TTC17: variants seen among roughly 807,000 people sequenced by gnomAD.
The protein encoded by TTC17 is tetratricopeptide repeat domain 17.
In TTC17, 58 loss-of-function variants were observed where a neutral mutation model predicts 143.8. The observed-to-expected ratio is 0.40, with a 90% CI of 0.33 to 0.50. The LOEUF (loss-of-function observed/expected upper bound fraction) is 0.50. TTC17 is among the 20% of genes least tolerant of loss of function. The pLI is 0.49. For synonymous variants in TTC17, 501 were observed against 497.8 expected (o/e 1.01, Z -0.09); for missense variants, 1,273 against 1,392.5 (o/e 0.91, Z 1.37).
intron 10 of TTC17, among the ~76,000 whole-genome samples, chr11:43,403,774 C>T (rs1857981731): frequency 6.6e-6 from 1 of 152,184 alleles, no homozygotes; most frequent in Non-Finnish European, 1.5e-5. Context: ...CCATTTTTCT[C>T]ATACTCCAAT....
At chr11:43,363,299 T>C (rs1259646714) in intron 1 of TTC17, among the ~76,000 whole-genome samples, 1 of 152,222 alleles carries the variant, frequency 6.6e-6, no homozygotes, top group Non-Finnish European at 1.5e-5. Flanking sequence ...CAGTGTCTGG[T>C]AATTTACTTG....
At chr11:43,491,975 T>G (rs763310718) in intron 22 of TTC17, 45 bp from the exon 23 acceptor site, 14 of 1,606,294 alleles carry the variant, frequency 8.7e-6, no homozygotes, top group Non-Finnish European at 1.2e-5. Flanking sequence ...GAATGAAAGC[T>G]CAAAACCCAA....
intron 1 of TTC17, among the ~76,000 whole-genome samples, chr11:43,362,438 A>G (rs1262221531): frequency 6.6e-6 from 1 of 152,144 alleles, no homozygotes; most frequent in African/African-American, 2.4e-5. Flanking sequence ...TACATACCGC[A>G]GACTTGTCAA....
chr11:43,478,024 C>T (rs1274100588), intron 21 of TTC17, among the ~76,000 whole-genome samples: 2 of 152,000 alleles, frequency 1.3e-5, no homozygotes, highest in African/African-American at 2.4e-5. Flanking sequence ...GTAGTTTTGT[C>T]CCACTCTTCC....
intron 15 of TTC17, among the ~76,000 whole-genome samples, chr11:43,410,966 T>C (rs1001153396): frequency 1.8e-4 from 28 of 152,130 alleles, no homozygotes; most frequent in Admixed American, 3.9e-4. Context: ...CCATAATTAT[T>C]TTTGTCTGGA....
At chr11:43,486,647 T>C (rs1316328539) in intron 21 of TTC17, among the ~76,000 whole-genome samples, 1 of 152,208 alleles carries the variant, frequency 6.6e-6, no homozygotes, top group African/African-American at 2.4e-5. Flanking sequence ...AGTTCCATTT[T>C]TCAGTAAGGT....
intron 16 of TTC17, among the ~76,000 whole-genome samples, chr11:43,417,652 A>G (rs1946807660): frequency 1.3e-5 from 2 of 152,166 alleles, no homozygotes; most frequent in Admixed American, 1.3e-4. Flanking sequence ...CCTGGCCAAC[A>G]TGGTGAAACC....
chr11:43,404,224 T>G, intron 11 of TTC17, 80 bp downstream of exon 11: 1 of 1,374,864 alleles, frequency 7.3e-7, no homozygotes, highest in Non-Finnish European at 9.9e-7. Context: ...CCTCACTGAT[T>G]AATATGGCCT....
chr11:43,381,967 G>A (rs1017494333), intron 2 of TTC17, among the ~76,000 whole-genome samples: 4 of 152,146 alleles, frequency 2.6e-5, no homozygotes, highest in African/African-American at 9.7e-5. Flanking sequence ...AAGAATGGAT[G>A]TCACGTGGGC....
At chr11:43,453,712 A>G (rs1444434901) in intron 21 of TTC17, among the ~76,000 whole-genome samples, 1 of 152,192 alleles carries the variant, frequency 6.6e-6, no homozygotes, top group Non-Finnish European at 1.5e-5. Context: ...TGGCTCTAAG[A>G]GAGGCAAGAC....
intron 1 of TTC17, among the ~76,000 whole-genome samples, chr11:43,378,344 G>A (rs1247050843): frequency 1.3e-5 from 2 of 152,210 alleles, no homozygotes; most frequent in African/African-American, 4.8e-5. Context: ...GGACGGAGTT[G>A]TAAATTAAGC....
At position 43,415,211 on chromosome 11, in the gene TTC17, C is replaced by T. The variant is rs183376160; in HGVS notation, c.2251+435C>T. On this transcript the variant is annotated intron_variant, in intron 16 of 23. Coordinates refer to ENST00000039989, the MANE Select transcript of TTC17 (RefSeq NM_018259.6). ...GTCTTTCATTGAAGGTGATTCAGAC[C>T]TTTACTCTACCTTTAATATAGTGAC... 2.0e-5 allele frequency among the ~76,000 whole-genome samples: 3 copies of T among 152,202 alleles called. No individual in the cohort carries two copies. The East Asian group carries it at 5.8e-4, about 29-fold the overall frequency.
intron 1 of TTC17, chr11:43,370,153 C>G: frequency 6.7e-6 from 3 of 449,260 alleles, no homozygotes; most frequent in South Asian, 4.8e-5. Flanking sequence ...CTGTACTTCT[C>G]TAAACCTCAA....
intron 21 of TTC17, among the ~76,000 whole-genome samples, chr11:43,476,967 A>G (rs983968675): frequency 6.6e-6 from 1 of 152,188 alleles, no homozygotes. Flanking sequence ...CTTCCCCTAT[A>G]AAACTGAATG....
intron 21 of TTC17, among the ~76,000 whole-genome samples, chr11:43,469,022 G>C (rs770599695): frequency 1.3e-4 from 20 of 152,120 alleles, no homozygotes; most frequent in Non-Finnish European, 2.5e-4. Context: ...CTACAATTTA[G>C]TAATTTTTAA....
chr11:43,459,471 G>T (rs1352410075), intron 21 of TTC17, among the ~76,000 whole-genome samples: 1 of 152,114 alleles, frequency 6.6e-6, no homozygotes, highest in Non-Finnish European at 1.5e-5. Flanking sequence ...ATCCACACTG[G>T]CACAACTTCT....
intron 1 of TTC17, among the ~76,000 whole-genome samples, chr11:43,368,487 G>A (rs1006246242): frequency 2.0e-5 from 3 of 152,084 alleles, no homozygotes; most frequent in Non-Finnish European, 4.4e-5. Flanking sequence ...CAAACCCAAC[G>A]TAGTAATAAC....
chr11:43,447,980 T>C, intron 18 of TTC17, 22 bp from the exon 19 acceptor site: 1 of 1,612,344 alleles, frequency 6.2e-7, no homozygotes, highest in Non-Finnish European at 8.5e-7. Flanking sequence ...TTGTGTGGAT[T>C]CATGGCATAC....
At chr11:43,438,509 G>T (rs1190609796) in intron 16 of TTC17, among the ~76,000 whole-genome samples, 1 of 152,166 alleles carries the variant, frequency 6.6e-6, no homozygotes, top group African/African-American at 2.4e-5. Flanking sequence ...TTTCTCTTTT[G>T]TGAGACAAAG....
Sources: allele counts gnomAD v4.1 joint callset (sites outside exome capture counted in the v4.1 genomes callset), GRCh38; gene constraint gnomAD v4.1.1; transcripts MANE v1.5; gene names NCBI Gene and HGNC (gene_info 2026-07-23, HGNC 2026-07-21).